NUBPL: variants seen among roughly 807,000 people sequenced by gnomAD.
NUBPL encodes NUBP iron-sulfur cluster assembly factor, mitochondrial.
In NUBPL, 31 loss-of-function variants were observed where a neutral mutation model predicts 45.7. That is an observed-to-expected ratio of 0.68 (90% CI 0.51 to 0.92). The LOEUF is 0.92. NUBPL is among the 40% of genes least tolerant of loss of function. NUBPL has a pLI of 0.00. For synonymous variants in NUBPL, 144 were observed against 140.9 expected, an observed-to-expected ratio of 1.02 and a Z score of -0.15; for missense variants, 401 against 398.7, an observed-to-expected ratio of 1.01 and a Z score of -0.05.
intron 4 of NUBPL, 50 bp downstream of exon 4, chr14:31,599,429 T>A: frequency 1.6e-6 from 2 of 1,254,780 alleles, no homozygotes; most frequent in Non-Finnish European, 2.3e-6. Flanking sequence ...CTTTTATTAA[T>A]ACTTACTGGG....
chr14:31,683,161 T>C lies in NUBPL; in HGVS notation c.513+9587T>C, dbSNP rs142182278. ...CTCCCACTAGATTCCACCTCCAACA[T>C]TGGAGATACAATTTCAACATGAGGT... On this transcript the variant is annotated intron_variant, in intron 6 of 10. Transcript: ENST00000281081. Among the ~76,000 whole-genome samples the C allele has an allele frequency of 8.6e-5, 13 of 151,714 alleles. No homozygotes were observed. The East Asian group carries it at 1.7e-3, about 20-fold the overall frequency.
intron 6 of NUBPL, among the ~76,000 whole-genome samples, chr14:31,728,561 G>A (rs1407972656): frequency 6.6e-6 from 1 of 152,186 alleles, no homozygotes; most frequent in East Asian, 1.9e-4. Flanking sequence ...TCCAGACTTA[G>A]TGTGAGTAGA....
chr14:31,818,799 C>T (rs185562687), intron 7 of NUBPL, among the ~76,000 whole-genome samples: 67 of 152,328 alleles, frequency 4.4e-4, no homozygotes, highest in African/African-American at 9.9e-4. Context: ...CTGCCTGCCT[C>T]GGCCTCCCAA....
intron 8 of NUBPL, among the ~76,000 whole-genome samples, chr14:31,840,531 G>C (rs1299228964): frequency 1.3e-5 from 2 of 148,862 alleles, no homozygotes; most frequent in African/African-American, 5.0e-5. Flanking sequence ...CCAAGATCAC[G>C]CCACTGCACT....
Position 31,745,469 on chromosome 14 carries a change from T to C in NUBPL, c.514-42311T>C, listed in dbSNP as rs374768654. Reference sequence around the variant, plus strand: ...TCTATCATTGTTGGACATTTTTGTATTTTTTTAGTAGAGATGGGGTTTCAC... The same window carrying C: ...TCTATCATTGTTGGACATTTTTGTACTTTTTTAGTAGAGATGGGGTTTCAC... On this transcript the variant is annotated intron_variant, in intron 6 of 10. Coordinates refer to ENST00000281081, the MANE Select transcript of NUBPL (RefSeq NM_025152.3). Among the ~76,000 whole-genome samples the C allele has an allele frequency of 1.5e-4, 23 of 152,210 alleles. No homozygotes were observed. In the East Asian group the frequency reaches 2.7e-3, roughly 18 times the overall value.
At chr14:31,579,276 C>T (rs1417877313) in intron 3 of NUBPL, among the ~76,000 whole-genome samples, 3 of 152,168 alleles carry the variant, frequency 2.0e-5, no homozygotes, top group African/African-American at 7.2e-5. Flanking sequence ...TCCTGTTCTC[C>T]ACATACGCTT....
intron 3 of NUBPL, among the ~76,000 whole-genome samples, chr14:31,598,797 G>T (rs1174627586): frequency 3.9e-5 from 6 of 152,112 alleles, no homozygotes; most frequent in Non-Finnish European, 8.8e-5. Context: ...CTACATCAGA[G>T]TTTCTCACTT....
chr14:31,624,610 G>A (rs934051193), intron 4 of NUBPL, among the ~76,000 whole-genome samples: 1 of 152,234 alleles, frequency 6.6e-6, no homozygotes, highest in African/African-American at 2.4e-5. Context: ...TGTTGCCCAG[G>A]CTGGAGTGCA....
intron 6 of NUBPL, among the ~76,000 whole-genome samples, chr14:31,726,441 A>C (rs916292024): frequency 6.6e-6 from 1 of 152,258 alleles, no homozygotes; most frequent in African/African-American, 2.4e-5. Context: ...AATATATTTC[A>C]AAAATAGAAT....
At chr14:31,571,530 A>G (rs997136313) in intron 3 of NUBPL, among the ~76,000 whole-genome samples, 2 of 151,402 alleles carry the variant, frequency 1.3e-5, no homozygotes, top group Non-Finnish European at 2.9e-5. Context: ...GCTCACTGCA[A>G]CCTCTGCCTC....
At chr14:31,611,992 A>G (rs2034772217) in intron 4 of NUBPL, among the ~76,000 whole-genome samples, 1 of 152,234 alleles carries the variant, frequency 6.6e-6, no homozygotes. Flanking sequence ...AAAGATCTCC[A>G]GGACATTGGC....
At chr14:31,806,231 T>C (rs148613750) in intron 7 of NUBPL, among the ~76,000 whole-genome samples, 30 of 152,306 alleles carry the variant, frequency 2.0e-4, no homozygotes, top group African/African-American at 6.5e-4. Context: ...TCTATTCCTT[T>C]ATTTCCTGAA....
chr14:31,829,071 A>G (rs2040149608), intron 8 of NUBPL, among the ~76,000 whole-genome samples: 1 of 152,310 alleles, frequency 6.6e-6, no homozygotes, highest in African/African-American at 2.4e-5. Flanking sequence ...CAGAAAGTTG[A>G]TATTAGAGTA....
At chr14:31,691,362 G>A (rs1188858252) in intron 6 of NUBPL, among the ~76,000 whole-genome samples, 3 of 152,124 alleles carry the variant, frequency 2.0e-5, no homozygotes, top group African/African-American at 7.2e-5. Context: ...CAAAATATGT[G>A]GTAATGACTG....
intron 8 of NUBPL, among the ~76,000 whole-genome samples, chr14:31,830,230 A>G (rs1203123638): frequency 6.6e-6 from 1 of 152,226 alleles, no homozygotes; most frequent in Non-Finnish European, 1.5e-5. Context: ...CCACAAATCT[A>G]TATTTACTGA....
intron 10 of NUBPL, among the ~76,000 whole-genome samples, chr14:31,851,492 C>A (rs993093519): frequency 6.6e-6 from 1 of 152,094 alleles, no homozygotes; most frequent in African/African-American, 2.4e-5. Context: ...TAAGAGTCAG[C>A]AGCTATGGTA....
intron 4 of NUBPL, among the ~76,000 whole-genome samples, chr14:31,606,641 C>T (rs1404465294): frequency 6.6e-6 from 1 of 152,110 alleles, no homozygotes; most frequent in African/African-American, 2.4e-5. Flanking sequence ...CACCAGATAC[C>T]TCCAGTTTTA....
In NUBPL at chr14:31,781,738, A is replaced by C. The variant is rs544536637; in HGVS notation, c.514-6042A>C. 2.1e-3 allele frequency among the ~76,000 whole-genome samples: 320 copies of C among 152,156 alleles called. 1 individual carries two copies. Among genetic ancestry groups the C allele is most frequent in the African/African-American group, 7.4e-3 (306 of 41,540 alleles). On this transcript the variant is annotated intron_variant, in intron 6 of 10. Transcript: ENST00000281081. ...TTTTAATTATAGCCAACTTATTCAC[A>C]CCCCAAGTTTCTTTCTTAAAATTTC...
chr14:31,741,276 A>G (rs1205561195), intron 6 of NUBPL, among the ~76,000 whole-genome samples: 1 of 152,176 alleles, frequency 6.6e-6, no homozygotes, highest in Non-Finnish European at 1.5e-5. Context: ...CTGTAGTCCT[A>G]TGAGTACATC....
Sources: gnomAD v4.1 joint callset for allele counts (sites outside exome capture counted in the v4.1 genomes callset) on GRCh38, gnomAD v4.1.1 for gene constraint, MANE v1.5 for transcripts, NCBI Gene and HGNC (gene_info 2026-07-23, HGNC 2026-07-21) for gene names.